ARSB: variants seen among roughly 807,000 people sequenced by gnomAD.
ARSB encodes the protein arylsulfatase B.
ARSB carries 41 observed loss-of-function variants against 50.9 expected under a neutral mutation model. The ratio of observed to expected loss-of-function variants is 0.81; its 90% confidence interval spans 0.63 to 1.04. ARSB has a LOEUF of 1.04. Among genes scored for constraint, ARSB ranks in the 50% least tolerant of loss-of-function variants. The probability of loss-of-function intolerance (pLI) is 0.00; values close to 1 mark genes in which losing one functional copy is unlikely to be tolerated. For missense variants in ARSB, 672 were observed against 693.3 expected (o/e 0.97, Z 0.35); for synonymous variants, 269 against 284.8 (o/e 0.94, Z 0.56).
At chr5:78,965,432 G>A (rs901642036) in intron 2 of ARSB, among the ~76,000 whole-genome samples, 3 of 152,118 alleles carry the variant, frequency 2.0e-5, no homozygotes, top group Non-Finnish European at 4.4e-5. Flanking sequence ...TATAGAGACA[G>A]AAAATAGATT....
At chr5:78,964,643 T>C (rs1484698391) in intron 2 of ARSB, 37 bp from the exon 3 acceptor site, 1 of 1,581,550 alleles carries the variant, frequency 6.3e-7, no homozygotes, top group Admixed American at 1.7e-5. Flanking sequence ...CAGCATAGCA[T>C]AAAACTTGTT....
At chr5:78,913,161 G>C (rs951431710) in intron 4 of ARSB, among the ~76,000 whole-genome samples, 6 of 146,058 alleles carry the variant, frequency 4.1e-5, no homozygotes, top group African/African-American at 1.3e-4. Context: ...GAGTCTCGCT[G>C]TCGCCCAGGC....
At chr5:78,795,619 A>G (rs1743150080) in intron 6 of ARSB, among the ~76,000 whole-genome samples, 2 of 152,234 alleles carry the variant, frequency 1.3e-5, no homozygotes, top group Non-Finnish European at 2.9e-5. Context: ...CTACTTACTT[A>G]GAATCCTGTC....
chr5:78,889,583 G>A (rs1748186751), intron 4 of ARSB, among the ~76,000 whole-genome samples: 1 of 152,128 alleles, frequency 6.6e-6, no homozygotes, highest in Admixed American at 6.5e-5. Context: ...AAATGTCAAA[G>A]TAAGACAAAC....
At chr5:78,907,088 G>A (rs1159790744) in intron 4 of ARSB, among the ~76,000 whole-genome samples, 1 of 150,738 alleles carries the variant, frequency 6.6e-6, no homozygotes, top group Admixed American at 6.6e-5. Flanking sequence ...CACAACTAAG[G>A]GCAAAAAAGA....
chr5:78,822,168 C>T (rs1423882458), intron 6 of ARSB, among the ~76,000 whole-genome samples: 1 of 152,116 alleles, frequency 6.6e-6, no homozygotes, highest in African/African-American at 2.4e-5. Flanking sequence ...TGCTGTTTTA[C>T]AGTGATAATG....
intron 4 of ARSB, among the ~76,000 whole-genome samples, chr5:78,892,191 T>G (rs1473683542): frequency 6.6e-6 from 1 of 151,976 alleles, no homozygotes; most frequent in Middle Eastern, 3.2e-3. Context: ...AAACATCACG[T>G]TTTCATAAGA....
At chr5:78,919,289 A>G (rs1248248133) in intron 4 of ARSB, among the ~76,000 whole-genome samples, 1 of 152,134 alleles carries the variant, frequency 6.6e-6, no homozygotes. Flanking sequence ...ACATCAGCGC[A>G]CTTGCAACAT....
At chr5:78,869,850 C>G (rs1424697250) in intron 5 of ARSB, among the ~76,000 whole-genome samples, 1 of 148,750 alleles carries the variant, frequency 6.7e-6, no homozygotes, top group African/African-American at 2.5e-5. Context: ...ACAAAAAACC[C>G]TTCAAAAAAT....
intron 4 of ARSB, among the ~76,000 whole-genome samples, chr5:78,940,946 C>T (rs1349847662): frequency 1.3e-5 from 2 of 152,024 alleles, no homozygotes; most frequent in East Asian, 3.9e-4. Flanking sequence ...TGTTGGTATC[C>T]TCTTTTATTT....
intron 6 of ARSB, among the ~76,000 whole-genome samples, chr5:78,782,734 C>T (rs73118691): frequency 0.069 from 10,458 of 152,160 alleles, 1,221 homozygotes; most frequent in African/African-American, 0.24. Context: ...ACAAAATTGA[C>T]TGGAGAGAAT....
At chr5:78,942,389 AGACCTT>A (rs1750981410) in intron 4 of ARSB, among the ~76,000 whole-genome samples, 1 of 31,124 alleles carries the variant, frequency 3.2e-5, no homozygotes, top group African/African-American at 1.1e-4. Flanking sequence ...TGTCAATTGT[AGACCTT>A]TCCTGCTTTC....
chr5:78,820,379 T>G (rs1056781175), intron 6 of ARSB, among the ~76,000 whole-genome samples: 1 of 152,118 alleles, frequency 6.6e-6, no homozygotes, highest in Non-Finnish European at 1.5e-5. Flanking sequence ...CAAATAAACA[T>G]GTTTTTAAAA....
At chr5:78,855,347 A>C (rs1173059805) in intron 5 of ARSB, among the ~76,000 whole-genome samples, 1 of 152,212 alleles carries the variant, frequency 6.6e-6, no homozygotes, top group Non-Finnish European at 1.5e-5. Flanking sequence ...TTCTCTGAGC[A>C]GTCAAAGTAC....
chr5:78,808,431 C>T (rs542821546), intron 6 of ARSB, among the ~76,000 whole-genome samples: 28 of 152,252 alleles, frequency 1.8e-4, no homozygotes, highest in African/African-American at 6.3e-4. Flanking sequence ...TCCCTAATAG[C>T]CTCCCATTTC....
intron 6 of ARSB, among the ~76,000 whole-genome samples, chr5:78,827,110 C>T (rs1253695226): frequency 6.6e-6 from 1 of 152,182 alleles, no homozygotes; most frequent in Non-Finnish European, 1.5e-5. Flanking sequence ...CCCACCTAGA[C>T]ATGATTTTCT....
At chr5:78,796,664 C>CT (rs991448528) in intron 6 of ARSB, among the ~76,000 whole-genome samples, 350 of 149,378 alleles carry the variant, frequency 2.3e-3, no homozygotes, top group Admixed American at 4.1e-3. Flanking sequence ...ACCTGCCATT[C>CT]TTTTTTTTTT....
intron 4 of ARSB, among the ~76,000 whole-genome samples, chr5:78,925,899 C>T (rs1469959527): frequency 1.3e-5 from 2 of 151,962 alleles, no homozygotes; most frequent in Non-Finnish European, 2.9e-5. Context: ...TTTTAAAAGA[C>T]CTTAATAATA....
intron 4 of ARSB, among the ~76,000 whole-genome samples, chr5:78,924,387 A>G (rs1487753345): frequency 6.6e-6 from 1 of 152,186 alleles, no homozygotes; most frequent in Non-Finnish European, 1.5e-5. Flanking sequence ...TCATTGTGCT[A>G]CACAGTCTCT....
Sources: gnomAD v4.1 joint callset for allele counts (sites outside exome capture counted in the v4.1 genomes callset) on GRCh38, gnomAD v4.1.1 for gene constraint, MANE v1.5 for transcripts, NCBI Gene and HGNC (gene_info 2026-07-23, HGNC 2026-07-21) for gene names.